The following CADM2 variants were observed in gnomAD, a reference collection of about 807,000 sequenced individuals.
CADM2 encodes immunoglobulin superfamily member 4D.
CADM2 carries 12 observed loss-of-function variants against 49.8 expected under a neutral mutation model. That is an observed-to-expected ratio of 0.24 (90% confidence interval 0.15 to 0.39). The LOEUF (loss-of-function observed/expected upper bound fraction) is 0.39, where lower values mean the gene tolerates loss of function less well. Ranked by LOEUF, CADM2 falls within the 10% of genes least tolerant of loss-of-function variation. The pLI is 1.00. For missense variants in CADM2, 378 were observed against 492.3 expected, an observed-to-expected ratio of 0.77 and a Z score of 2.20; for synonymous variants, 214 against 175.4, an observed-to-expected ratio of 1.22 and a Z score of -1.74.
intron 1 of CADM2, among the ~76,000 whole-genome samples, chr3:85,188,128 G>T (rs1349514010): frequency 6.6e-6 from 1 of 151,858 alleles, no homozygotes; most frequent in African/African-American, 2.4e-5. Context: ...ATTGCTAATT[G>T]TAATTTTCAT....
chr3:85,476,514 T>G (rs1181142147), intron 1 of CADM2, among the ~76,000 whole-genome samples: 1 of 151,834 alleles, frequency 6.6e-6, no homozygotes, highest in Non-Finnish European at 1.5e-5. Context: ...TCAGCCTCTA[T>G]TTTGTTTCTA....
rs60906747 is a variant in CADM2 at position 85,489,806 on chromosome 3, T to TGAGA, written c.62-236698_62-236695dup. ...TATTTAACGTGTGTGTGTGTGTGTG[T>TGAGA]GAGAGAGAGAGAGAGAGAGAGCAAA... On this transcript the variant is annotated intron_variant, in intron 1 of 9. Transcript: ENST00000383699. Among the ~76,000 whole-genome samples, 132 of 143,956 alleles carry TGAGA rather than the reference T, an allele frequency of 9.2e-4. No individual in the cohort carries two copies. In the East Asian group the frequency reaches 0.012, roughly 13 times the overall value. 94.4% of individuals were successfully genotyped at this position (143,956 alleles called of 152,430 possible).
chr3:85,586,671 A>C (rs2062954566), intron 1 of CADM2, among the ~76,000 whole-genome samples: 1 of 152,168 alleles, frequency 6.6e-6, no homozygotes, highest in Non-Finnish European at 1.5e-5. Context: ...AGGTTGGTGC[A>C]AAAGTAACTG....
intron 8 of CADM2, among the ~76,000 whole-genome samples, chr3:85,985,194 T>A (rs1191240147): frequency 1.3e-5 from 2 of 151,910 alleles, no homozygotes; most frequent in Non-Finnish European, 2.9e-5. Context: ...ATGGGTACAT[T>A]AGTTGCCTGT....
intron 1 of CADM2, among the ~76,000 whole-genome samples, chr3:85,244,594 A>G (rs2042607368): frequency 6.6e-6 from 1 of 152,048 alleles, no homozygotes; most frequent in African/African-American, 2.4e-5. Flanking sequence ...ATTATTTCTC[A>G]TTTTCCAAGC....
chr3:85,922,313 TA>T (rs5850720), intron 6 of CADM2, among the ~76,000 whole-genome samples: 26,028 of 151,978 alleles, frequency 0.17, 2,269 homozygotes, highest in East Asian at 0.2. Flanking sequence ...AAAATGTGAT[TA>T]ATCAGTATAT....
At chr3:85,198,477 T>C (rs2041403242) in intron 1 of CADM2, among the ~76,000 whole-genome samples, 1 of 151,598 alleles carries the variant, frequency 6.6e-6, no homozygotes, top group Non-Finnish European at 1.5e-5. Flanking sequence ...GTTTTTTTTT[T>C]AGTTGCAACA....
At chr3:85,042,437 A>G (rs1199310066) in intron 1 of CADM2, among the ~76,000 whole-genome samples, 1 of 152,076 alleles carries the variant, frequency 6.6e-6, no homozygotes, top group African/African-American at 2.4e-5. Context: ...CTTTTATGGA[A>G]GTTTGAGGGG....
chr3:85,703,087 T>C (rs1425655031), intron 1 of CADM2, among the ~76,000 whole-genome samples: 1 of 152,154 alleles, frequency 6.6e-6, no homozygotes, highest in East Asian at 1.9e-4. Context: ...TAGACAAATA[T>C]ATAAATTATA....
chr3:85,190,905 A>G (rs2041192458), intron 1 of CADM2, among the ~76,000 whole-genome samples: 1 of 152,178 alleles, frequency 6.6e-6, no homozygotes, highest in South Asian at 2.1e-4. Context: ...AAGTACATGT[A>G]AAATCCCTAG....
intron 3 of CADM2, among the ~76,000 whole-genome samples, chr3:85,863,717 G>A (rs2075621625): frequency 6.6e-6 from 1 of 152,150 alleles, no homozygotes; most frequent in African/African-American, 2.4e-5. Flanking sequence ...AGCGAAAAAT[G>A]ATTGAAACAG....
intron 1 of CADM2, among the ~76,000 whole-genome samples, chr3:85,316,348 G>A (rs559476049): frequency 6.6e-6 from 1 of 152,130 alleles, no homozygotes; most frequent in African/African-American, 2.4e-5. Flanking sequence ...TGATTAAATT[G>A]TGAAGCAGAA....
chr3:85,465,242 A>T (rs1250854578), intron 1 of CADM2, among the ~76,000 whole-genome samples: 1 of 152,218 alleles, frequency 6.6e-6, no homozygotes, highest in African/African-American at 2.4e-5. Context: ...ATTAACAAGC[A>T]AATCAGATCT....
chr3:85,770,229 TGA>T (rs1428062345), intron 2 of CADM2, among the ~76,000 whole-genome samples: 1 of 152,106 alleles, frequency 6.6e-6, no homozygotes, highest in African/African-American at 2.4e-5. Flanking sequence ...TGTGCTTATT[TGA>T]GAGGGAGTCT....
At chr3:85,661,388 T>TTAAA (rs5850708) in intron 1 of CADM2, among the ~76,000 whole-genome samples, 106,705 of 151,218 alleles carry the variant, frequency 0.71, 37,707 homozygotes, top group East Asian at 0.8. Context: ...ACTTTCCAGT[T>TTAAA]TAAATTAAGT....
intron 2 of CADM2, among the ~76,000 whole-genome samples, chr3:85,761,761 G>T (rs1054835409): frequency 6.6e-6 from 1 of 152,268 alleles, no homozygotes; most frequent in Admixed American, 6.5e-5. Flanking sequence ...TCTCATTCTT[G>T]TGTGTTTGTT....
At chr3:85,865,975 G>A (rs2075707001) in intron 3 of CADM2, among the ~76,000 whole-genome samples, 1 of 152,024 alleles carries the variant, frequency 6.6e-6, no homozygotes, top group Non-Finnish European at 1.5e-5. Flanking sequence ...GGAACTGGGA[G>A]GTTTGTAGCT....
At chr3:85,796,731 C>T (rs1449170161) in intron 2 of CADM2, among the ~76,000 whole-genome samples, 2 of 151,546 alleles carry the variant, frequency 1.3e-5, no homozygotes, top group African/African-American at 4.8e-5. Flanking sequence ...TTTTTTTTTC[C>T]AGTGGGGGAA....
At chr3:85,435,331 T>G (rs761786776) in intron 1 of CADM2, among the ~76,000 whole-genome samples, 1 of 152,142 alleles carries the variant, frequency 6.6e-6, no homozygotes, top group African/African-American at 2.4e-5. Flanking sequence ...TCCAGGTGCC[T>G]GCAAACAACA....
Sources: allele counts gnomAD v4.1 joint callset (sites outside exome capture counted in the v4.1 genomes callset), GRCh38; gene constraint gnomAD v4.1.1; transcripts MANE v1.5; gene names NCBI Gene and HGNC (gene_info 2026-07-23, HGNC 2026-07-21).